The following IL1RAPL1 variants were observed in gnomAD, a reference collection of about 807,000 sequenced individuals.
IL1RAPL1 encodes interleukin-1 receptor accessory protein-like 1.
In IL1RAPL1, 3 loss-of-function variants were observed where a neutral mutation model predicts 48.4. The ratio of observed to expected loss-of-function variants is 0.06; its 90% CI spans 0.03 to 0.16. IL1RAPL1 has a LOEUF of 0.16. Ranked by LOEUF, IL1RAPL1 falls within the 10% of genes least tolerant of loss-of-function variation. The pLI is 1.00. For synonymous variants in IL1RAPL1, 185 were observed against 187.7 expected (o/e 0.99, Z 0.12); for missense variants, 349 against 530.6 (o/e 0.66, Z 3.36).
chrX:29,018,936 A>G (rs916930595), intron 2 of IL1RAPL1, among the ~76,000 whole-genome samples: 1 of 111,939 alleles, frequency 8.9e-6, no homozygotes, highest in African/African-American at 3.3e-5. Context: ...CTATATGGAC[A>G]TACCCGAGAT....
chrX:29,371,966 A>G (rs781173004), intron 3 of IL1RAPL1, among the ~76,000 whole-genome samples: 1 of 112,106 alleles, frequency 8.9e-6, no homozygotes, highest in African/African-American at 3.2e-5. Flanking sequence ...AAATAATGGG[A>G]TTGCTGGATT....
At chrX:29,067,091 T>G (rs1349715227) in intron 2 of IL1RAPL1, among the ~76,000 whole-genome samples, 1 of 111,461 alleles carries the variant, frequency 9.0e-6, no homozygotes, top group Non-Finnish European at 1.9e-5. Flanking sequence ...AAATGGTTGT[T>G]ATTGTTTGTT....
intron 5 of IL1RAPL1, among the ~76,000 whole-genome samples, chrX:29,517,908 G>A (rs1935463900): frequency 1.8e-5 from 2 of 111,560 alleles, no homozygotes; most frequent in Non-Finnish European, 3.8e-5. Flanking sequence ...TGGTTTCTAG[G>A]AAAGTATATG....
At chrX:29,661,775 A>C (rs1925853926) in intron 5 of IL1RAPL1, among the ~76,000 whole-genome samples, 1 of 111,837 alleles carries the variant, frequency 8.9e-6, no homozygotes, top group East Asian at 2.8e-4. Flanking sequence ...ATGCCCCTTA[A>C]CTCATGAACA....
intron 1 of IL1RAPL1, among the ~76,000 whole-genome samples, chrX:28,750,387 A>G (rs939759572): frequency 2.7e-5 from 3 of 111,985 alleles, no homozygotes; most frequent in Non-Finnish European, 3.8e-5. Flanking sequence ...AAATAGCACT[A>G]AAACTAAAAT....
chrX:29,472,361 C>T (rs1934930258), intron 5 of IL1RAPL1, among the ~76,000 whole-genome samples: 2 of 111,228 alleles, frequency 1.8e-5, no homozygotes, highest in African/African-American at 6.5e-5. Flanking sequence ...AAGACTGAGT[C>T]CTTGGGCACC....
At chrX:29,181,999 A>G (rs1436717026) in intron 2 of IL1RAPL1, among the ~76,000 whole-genome samples, 1 of 111,534 alleles carries the variant, frequency 9.0e-6, no homozygotes, top group Admixed American at 9.6e-5. Context: ...CTTTGTGTGT[A>G]ATAATGAGAT....
rs947463334 is a variant in IL1RAPL1, at chrX:29,282,963, C to T, written c.108C>T (p.Ile36=). ...GSADGCTDWS[I]DIKKYQVLVG... ...CCGATGGATGCACTGACTGGTCTATCGATATCAAGAAATATCAAGTTTTGG... is the reference window on the plus strand; with the variant it reads ...CCGATGGATGCACTGACTGGTCTATTGATATCAAGAAATATCAAGTTTTGG... The change falls in exon 3 of 11, where the codon ATC becomes ATT. Residue 36 remains isoleucine (I), a synonymous_variant. Coordinates refer to ENST00000378993, the MANE Select transcript of IL1RAPL1 (RefSeq NM_014271.4). 2.3e-5 allele frequency: 28 copies of T among 1,208,945 alleles called. No individual in the cohort carries two copies. Among genetic ancestry groups the T allele is most frequent in the African/African-American group, 5.3e-5 (3 of 57,081 alleles).
chrX:29,952,039 A>C (rs1240139945), intron 9 of IL1RAPL1, among the ~76,000 whole-genome samples: 2 of 112,152 alleles, frequency 1.8e-5, no homozygotes, highest in Non-Finnish European at 3.8e-5. Flanking sequence ...TCCATGAAAG[A>C]AGCAGGGGAA....
intron 5 of IL1RAPL1, among the ~76,000 whole-genome samples, chrX:29,460,851 A>G (rs1418381596): frequency 9.0e-6 from 1 of 111,616 alleles, no homozygotes; most frequent in Non-Finnish European, 1.9e-5. Flanking sequence ...AACATAAGAG[A>G]TAATCTCTGT....
intron 2 of IL1RAPL1, among the ~76,000 whole-genome samples, chrX:28,948,643 A>G (rs1337489948): frequency 9.0e-6 from 1 of 111,665 alleles, no homozygotes; most frequent in Non-Finnish European, 1.9e-5. Context: ...CATGTAAAGC[A>G]CCTGTAACAT....
intron 6 of IL1RAPL1, among the ~76,000 whole-genome samples, chrX:29,835,053 A>T (rs972294126): frequency 1.8e-5 from 2 of 112,206 alleles, no homozygotes; most frequent in Non-Finnish European, 3.8e-5. Flanking sequence ...CATTCCAGAA[A>T]CAAAATCCAG....
chrX:28,855,042 C>T (rs1394068400), intron 2 of IL1RAPL1, among the ~76,000 whole-genome samples: 1 of 111,667 alleles, frequency 9.0e-6, no homozygotes, highest in African/African-American at 3.3e-5. Flanking sequence ...GTTTTTGAGA[C>T]AGGGTCTCAC....
intron 2 of IL1RAPL1, among the ~76,000 whole-genome samples, chrX:28,996,726 C>G (rs1602002237): frequency 9.0e-6 from 1 of 110,601 alleles, no homozygotes; most frequent in African/African-American, 3.3e-5. Context: ...GCAACCATCA[C>G]CATTATCTAG....
chrX:29,399,291 C>T lies in IL1RAPL1; in HGVS notation c.686C>T (p.Thr229Ile). The T allele has an allele frequency of 8.3e-7, 1 of 1,203,210 alleles. No individual in the cohort carries two copies. Among genetic ancestry groups the T allele is most frequent in the Non-Finnish European group, 1.1e-6 (1 of 887,997 alleles). Reference protein sequence around the residue: ...KYGGFVVRRTTELTVTAPLTD... With the variant: ...KYGGFVVRRTIELTVTAPLTD... ...GGAGGCTTTGTTGTGAGAAGAACTA[C>T]TGAATTAACTGTTACAGGTAATCAC... Residue 229 changes from threonine (T) to isoleucine (I), a missense_variant, in exon 5 of 11, where the codon ACT becomes ATT. Around this residue, in one of 3 missense-constraint regions of IL1RAPL1, gnomAD observed 238 missense variants for 337.8 expected, o/e 0.70. Transcript: ENST00000378993.
chrX:29,378,115 A>T (rs1244118540), intron 3 of IL1RAPL1, among the ~76,000 whole-genome samples: 1 of 109,060 alleles, frequency 9.2e-6, no homozygotes, highest in Non-Finnish European at 1.9e-5. Flanking sequence ...GATTCAAAGA[A>T]CAAGTCTTTG....
intron 2 of IL1RAPL1, among the ~76,000 whole-genome samples, chrX:29,054,957 AG>A (rs1366757304): frequency 8.9e-6 from 1 of 112,117 alleles, no homozygotes; most frequent in Non-Finnish European, 1.9e-5. Context: ...TGTGATTGAA[AG>A]GCAGACTAGT....
chrX:28,729,284 A>G (rs1290549970), intron 1 of IL1RAPL1, among the ~76,000 whole-genome samples: 1 of 111,533 alleles, frequency 9.0e-6, no homozygotes, highest in Non-Finnish European at 1.9e-5. Flanking sequence ...GTTAAGTACA[A>G]ATTTAATAGC....
At chrX:29,730,849 AC>A (rs1927898222) in intron 6 of IL1RAPL1, among the ~76,000 whole-genome samples, 1 of 111,638 alleles carries the variant, frequency 9.0e-6, no homozygotes, top group Admixed American at 9.5e-5. Flanking sequence ...ATATGAGATG[AC>A]ACAGTAAGGC....
Sources: gnomAD v4.1 joint callset for allele counts (sites outside exome capture counted in the v4.1 genomes callset) on GRCh38, gnomAD v4.1.1 for gene constraint, gnomAD v4.1.1 regional missense constraint, MANE v1.5 for transcripts, NCBI Gene and HGNC (gene_info 2026-07-23, HGNC 2026-07-21) for gene names.